The following ASAP2 variants were observed in gnomAD, a reference collection of about 807,000 sequenced individuals.
The protein encoded by ASAP2 is ArfGAP with SH3 domain, ankyrin repeat and PH domain 2.
In ASAP2, 45 loss-of-function variants were observed where a neutral mutation model predicts 131.4. The ratio of observed to expected loss-of-function variants is 0.34; its 90% CI spans 0.27 to 0.44. The LOEUF (loss-of-function observed/expected upper bound fraction) is 0.44, where lower values mean the gene tolerates loss of function less well. ASAP2 is among the 20% of genes least tolerant of loss of function. The probability of loss-of-function intolerance (pLI) is 1.00; values close to 1 mark genes in which losing one functional copy is unlikely to be tolerated. For synonymous variants in ASAP2, 510 were observed against 503.0 expected, an observed-to-expected ratio of 1.01 and a Z score of -0.19; for missense variants, 1,011 against 1,297.0, an observed-to-expected ratio of 0.78 and a Z score of 3.39.
At chr2:9,266,752 T>C (rs2148231158) in intron 1 of ASAP2, among the ~76,000 whole-genome samples, 1 of 152,308 alleles carries the variant, frequency 6.6e-6, no homozygotes, top group East Asian at 1.9e-4. Context: ...AGAAAAACAG[T>C]TATTTGTAAG....
intron 1 of ASAP2, among the ~76,000 whole-genome samples, chr2:9,276,878 A>G (rs1055419189): frequency 1.3e-5 from 2 of 152,070 alleles, no homozygotes; most frequent in Admixed American, 6.5e-5. Flanking sequence ...CTCCCTTTAC[A>G]CTTGCTGGCC....
chr2:9,212,629 A>G (rs940533372), intron 1 of ASAP2, among the ~76,000 whole-genome samples: 1 of 152,174 alleles, frequency 6.6e-6, no homozygotes, highest in South Asian at 2.1e-4. Flanking sequence ...GTTTCCAGGC[A>G]CCGGTGCCTT....
intron 1 of ASAP2, among the ~76,000 whole-genome samples, chr2:9,212,345 G>T (rs530788732): frequency 6.6e-6 from 1 of 152,174 alleles, no homozygotes; most frequent in African/African-American, 2.4e-5. Flanking sequence ...TGGTCCCAGG[G>T]CGTGGGGCTG....
rs1428848856 is a variant in ASAP2, at chr2:9,389,652, C to T, written c.2383+1106C>T. On this transcript the variant is annotated intron_variant, in intron 22 of 27. Transcript: ENST00000281419. This position sits in a 1 kb window ranked among gnomAD's most constrained non-coding sequence, Gnocchi z 4.7. ...CATTCAGGGAGGCCCAGAGAAGTGA[C>T]AGTGAACCTGTCATGTGAGTCACTG... Among the ~76,000 whole-genome samples the T allele has an allele frequency of 6.6e-6, 1 of 152,198 alleles. No individual in the cohort carries two copies. The highest frequency in any genetic ancestry group is 1.5e-5 in the Non-Finnish European group (1 of 68,036).
intron 1 of ASAP2, among the ~76,000 whole-genome samples, chr2:9,255,819 A>G (rs1040644545): frequency 1.3e-5 from 2 of 152,224 alleles, no homozygotes; most frequent in African/African-American, 4.8e-5. Context: ...TGCATCACAT[A>G]GCAGGGAGGT....
chr2:9,331,642 C>G (rs1374719186), intron 7 of ASAP2, among the ~76,000 whole-genome samples: 1 of 152,174 alleles, frequency 6.6e-6, no homozygotes, highest in African/African-American at 2.4e-5. Context: ...GTAGTGCACA[C>G]CTGTAGTCCC....
At chr2:9,267,001 C>T (rs1665987589) in intron 1 of ASAP2, among the ~76,000 whole-genome samples, 1 of 152,190 alleles carries the variant, frequency 6.6e-6, no homozygotes, top group African/African-American at 2.4e-5. Flanking sequence ...AGTTCACTTT[C>T]ATTTTGGCAA....
At position 9,367,027 on chromosome 2, in the gene ASAP2, A is replaced by ATTTTTTT. The variant is rs1171661319; in HGVS notation, c.1462-1386_1462-1380dup. 9.1e-4 allele frequency among the ~76,000 whole-genome samples: 121 copies of ATTTTTTT among 132,934 alleles called. 1 individual carries two copies. Among genetic ancestry groups the ATTTTTTT allele is most frequent in the African/African-American group, 3.0e-3 (98 of 32,326 alleles). The allele number at this position is 132,934 out of a possible 152,430, so 87.2% of individuals were successfully genotyped here. On this transcript the variant is annotated intron_variant, in intron 15 of 27. Coordinates refer to ENST00000281419, the MANE Select transcript of ASAP2 (RefSeq NM_003887.3). ...GTTTGTTAACTCCTTTGCCTGCATAATTTTTTTTTTTTTTTTTTGTAGAGA... is the reference window on the plus strand; with the variant it reads ...GTTTGTTAACTCCTTTGCCTGCATAATTTTTTTTTTTTTTTTTTTTTTTTTGTAGAGA...
At chr2:9,397,727 G>GAT (rs200560260) in intron 24 of ASAP2, among the ~76,000 whole-genome samples, 2,637 of 83,426 alleles carry the variant, frequency 0.032, 87 homozygotes, top group Non-Finnish European at 0.038. Flanking sequence ...AAATCAAAAG[G>GAT]ATATATATAT....
At chr2:9,361,040 G>A (rs1673042110) in intron 15 of ASAP2, among the ~76,000 whole-genome samples, 1 of 152,182 alleles carries the variant, frequency 6.6e-6, no homozygotes. Context: ...TTGATGAAAC[G>A]ATGAGGTGAC....
chr2:9,401,110 C>T (rs1676625738), intron 26 of ASAP2, among the ~76,000 whole-genome samples, 164 bp from the exon 27 acceptor site: 1 of 152,050 alleles, frequency 6.6e-6, no homozygotes, highest in East Asian at 1.9e-4. Flanking sequence ...CCTTTTCTCT[C>T]CCTGGCTCCT....
intron 1 of ASAP2, among the ~76,000 whole-genome samples, chr2:9,222,035 G>A (rs753014483): frequency 4.0e-5 from 6 of 151,434 alleles, no homozygotes; most frequent in Non-Finnish European, 7.4e-5. Flanking sequence ...TGATCTGCCC[G>A]CCTCGGCCTC....
chr2:9,267,003 T>A (rs981435405), intron 1 of ASAP2, among the ~76,000 whole-genome samples: 1 of 152,242 alleles, frequency 6.6e-6, no homozygotes, highest in Non-Finnish European at 1.5e-5. Flanking sequence ...TTCACTTTCA[T>A]TTTGGCAACA....
rs377379521 is a variant in ASAP2, at chr2:9,391,067, A to G, written c.2389A>G (p.Thr797Ala). ...GTGCATGCGTGTGGGTTCAGTTCAGACAGCCTCCTCTGCTAACACCCTGTG... is the reference window on the plus strand; with the variant it reads ...GTGCATGCGTGTGGGTTCAGTTCAGGCAGCCTCCTCTGCTAACACCCTGTG... ...LPPRNVGKVQTASSANTLWKT... is the reference protein window; with the variant it reads ...LPPRNVGKVQAASSANTLWKT... Residue 797 changes from threonine (T) to alanine (A), a missense_variant, in exon 23 of 28, where the codon ACA becomes GCA. Around this residue, in one of 2 missense-constraint regions of ASAP2, gnomAD observed 652 missense variants for 698.9 expected, o/e 0.93. Coordinates refer to ENST00000281419, the MANE Select transcript of ASAP2 (RefSeq NM_003887.3). 1 of 1,614,122 alleles carries G rather than the reference A, an allele frequency of 6.2e-7. No individual in the cohort carries two copies. The highest frequency in any genetic ancestry group is 8.5e-7 in the Non-Finnish European group (1 of 1,180,060).
In ASAP2 at chr2:9,374,761, A is replaced by C; in HGVS notation, c.1563A>C (p.Ala521=). ...VKPNPGSDMN[A]RKDYITAKYI... is the part of the protein sequence containing the mutation. ...CAATTACGTTTGGTTTCAGGAATGC[A>C]AGAAAGGACTACATCACAGCCAAGT... Residue 521 remains alanine, a synonymous_variant, in exon 17 of 28, where the codon GCA becomes GCC. Transcript: ENST00000281419. The C allele has an allele frequency of 6.3e-7, 1 of 1,593,764 alleles. No individual in the cohort carries two copies. The highest frequency in any genetic ancestry group is 8.5e-7 in the Non-Finnish European group (1 of 1,171,524).
intron 15 of ASAP2, among the ~76,000 whole-genome samples, chr2:9,365,585 G>A (rs1673408243): frequency 6.6e-6 from 1 of 152,188 alleles, no homozygotes; most frequent in Admixed American, 6.5e-5. Context: ...ACGTACAGGT[G>A]TGTGATTCTG....
In ASAP2 at chr2:9,297,255, G is replaced by C. The variant is rs1440103394; in HGVS notation, c.200-45G>C. Reference sequence around the variant, plus strand: ...CGAGAAGAACCTGGTGGGGAGTGAGGGTGGCATGCCTGAGACTCACAGCAC... The same window carrying C: ...CGAGAAGAACCTGGTGGGGAGTGAGCGTGGCATGCCTGAGACTCACAGCAC... On this transcript the variant is annotated intron_variant, in intron 2 of 27. Coordinates refer to ENST00000281419, the MANE Select transcript of ASAP2 (RefSeq NM_003887.3). The C allele has an allele frequency of 4.4e-6, 7 of 1,602,202 alleles. No homozygotes were observed. The Admixed American group carries it at 6.7e-5, about 15-fold the overall frequency.
chr2:9,368,043 A>T (rs1169517543), intron 15 of ASAP2, among the ~76,000 whole-genome samples: 1 of 152,172 alleles, frequency 6.6e-6, no homozygotes, highest in Non-Finnish European at 1.5e-5. Flanking sequence ...CTCTACCAGA[A>T]CTACCTCATA....
At chr2:9,273,806 A>G (rs1380902653) in intron 1 of ASAP2, among the ~76,000 whole-genome samples, 1 of 152,234 alleles carries the variant, frequency 6.6e-6, no homozygotes, top group African/African-American at 2.4e-5. Context: ...AAGTGCTGAT[A>G]TTATGTTTTA....
Sources: allele counts gnomAD v4.1 joint callset (sites outside exome capture counted in the v4.1 genomes callset), GRCh38; gene constraint gnomAD v4.1.1; regional missense constraint gnomAD v4.1.1; non-coding constraint Gnocchi (gnomAD v3.1); transcripts MANE v1.5; gene names NCBI Gene and HGNC (gene_info 2026-07-23, HGNC 2026-07-21).